PLCH1: variants seen among roughly 807,000 people sequenced by gnomAD.
PLCH1 encodes 1-phosphatidylinositol 4,5-bisphosphate phosphodiesterase eta-1.
A neutral mutation model predicts 126.7 loss-of-function variants in PLCH1; 60 were observed. The ratio of observed to expected loss-of-function variants is 0.47; its 90% CI spans 0.38 to 0.59. PLCH1 has a LOEUF of 0.59. Ranked by LOEUF, PLCH1 falls within the 20% of genes least tolerant of loss-of-function variation. PLCH1 has a pLI of 0.00. For missense variants in PLCH1, 1,723 were observed against 2,040.0 expected, an observed-to-expected ratio of 0.84 and a Z score of 2.99; for synonymous variants, 719 against 734.9, an observed-to-expected ratio of 0.98 and a Z score of 0.35.
intron 1 of PLCH1, chr3:155,742,988 CAAG>C (rs1208839904): frequency 4.2e-6 from 1 of 239,608 alleles, no homozygotes; most frequent in Non-Finnish European, 8.3e-6. Flanking sequence ...CACTTTATCC[CAAG>C]AAGAATAACT....
chr3:155,666,893 GGTGTGTGTGTGT>G (rs3220185), intron 2 of PLCH1, among the ~76,000 whole-genome samples: 37,503 of 148,626 alleles, frequency 0.25, 5,295 homozygotes, highest in African/African-American at 0.39. Context: ...ACACAGATGA[GGTGTGTGTGTGT>G]GTGTGTGTGT....
chr3:155,559,356 A>C (rs947668862), intron 8 of PLCH1, among the ~76,000 whole-genome samples: 1 of 152,194 alleles, frequency 6.6e-6, no homozygotes, highest in African/African-American at 2.4e-5. Context: ...TGCTAAAATC[A>C]TAGTAGGTCC....
chr3:155,687,987 T>A (rs566439248), intron 2 of PLCH1, among the ~76,000 whole-genome samples: 1 of 152,340 alleles, frequency 6.6e-6, no homozygotes, highest in African/African-American at 2.4e-5. Context: ...AAATCCTTAC[T>A]GGATCTAAAT....
Position 155,646,975 on chromosome 3 carries a change from C to T in PLCH1, c.80-50597G>A, listed in dbSNP as rs570530909. ...GGGAGATGAAGTCCAATTCCCCACC[C>T]CATGGACACAGCTAGCCTTTGTGAC... On this transcript the variant is annotated intron_variant, in intron 2 of 22. Coordinates refer to ENST00000460012, the MANE Select transcript of PLCH1 (RefSeq NM_014996.4). 8.1e-4 allele frequency among the ~76,000 whole-genome samples: 124 copies of T among 152,288 alleles called. 5 individuals carry two copies. In the South Asian group the frequency reaches 0.025, roughly 31 times the overall value.
intron 10 of PLCH1, among the ~76,000 whole-genome samples, chr3:155,542,234 T>C (rs1724397592): frequency 6.6e-6 from 1 of 152,078 alleles, no homozygotes; most frequent in Non-Finnish European, 1.5e-5. Context: ...GGAGATTATA[T>C]CCCGCACCTG....
chr3:155,643,818 A>C (rs549282641), intron 2 of PLCH1, among the ~76,000 whole-genome samples: 1 of 152,330 alleles, frequency 6.6e-6, no homozygotes, highest in South Asian at 2.1e-4. Context: ...ATAAACAAAT[A>C]AACGTATGAT....
rs145462115 is a variant in PLCH1 at position 155,587,120 on chromosome 3, G to C, written c.471-926C>G. 1.8e-3 allele frequency among the ~76,000 whole-genome samples: 269 copies of C among 152,226 alleles called. 2 individuals carry two copies. The highest frequency in any genetic ancestry group is 3.2e-3 in the Non-Finnish European group (218 of 68,026). On this transcript the variant is annotated intron_variant, in intron 4 of 22. Transcript: ENST00000460012. ...TGTCCCTATTAGTTCTCATTCACAA[G>C]GTTAGAGTTCTTCGTTTATGAGGCA... is the stretch of plus-strand genomic sequence containing the variant.
chr3:155,610,483 A>G (rs531351565), intron 2 of PLCH1, among the ~76,000 whole-genome samples: 1 of 152,204 alleles, frequency 6.6e-6, no homozygotes, highest in South Asian at 2.1e-4. Flanking sequence ...GGTAACGTGC[A>G]AAGGAAAACC....
At chr3:155,551,988 A>G (rs985816907) in intron 9 of PLCH1, among the ~76,000 whole-genome samples, 2 of 152,218 alleles carry the variant, frequency 1.3e-5, no homozygotes, top group African/African-American at 2.4e-5. Flanking sequence ...CCATTTGGCT[A>G]GGACCTGTAG....
At chr3:155,584,897 T>C (rs359557) in intron 5 of PLCH1, among the ~76,000 whole-genome samples, 74,573 of 151,966 alleles carry the variant, frequency 0.49, 21,307 homozygotes, top group Non-Finnish European at 0.65. Context: ...ACCTCTTCAA[T>C]GCTGTGATCA....
chr3:155,711,997 T>C (rs946565197), intron 1 of PLCH1, among the ~76,000 whole-genome samples: 19 of 152,240 alleles, frequency 1.2e-4, no homozygotes, highest in African/African-American at 4.6e-4. Context: ...TGAAGCTAGA[T>C]CTGTCCTTGC....
At position 155,599,645 on chromosome 3, in the gene PLCH1, G is replaced by A. The variant is rs4488881; in HGVS notation, c.80-3267C>T. On this transcript the variant is annotated intron_variant, in intron 2 of 22. Coordinates refer to ENST00000460012, the MANE Select transcript of PLCH1 (RefSeq NM_014996.4). The stretch of plus-strand genomic sequence containing the variant: ...AGAATAAAACAAATTGTTTAAGCCA[G>A]AGTGGAAAACCGAGTTAACTATATT... 6.4e-3 allele frequency among the ~76,000 whole-genome samples: 978 copies of A among 152,304 alleles called. 11 individuals carry two copies. Among genetic ancestry groups the A allele is most frequent in the African/African-American group, 0.022 (913 of 41,556 alleles).
At chr3:155,603,658 G>A (rs1330869198) in intron 2 of PLCH1, among the ~76,000 whole-genome samples, 2 of 152,094 alleles carry the variant, frequency 1.3e-5, no homozygotes, top group Admixed American at 1.3e-4. Flanking sequence ...AGCTGATCTA[G>A]CTTCCATAAA....
chr3:155,601,146 T>G lies in PLCH1; in HGVS notation c.80-4768A>C, dbSNP rs892607852. Among the ~76,000 whole-genome samples, 12 of 152,108 alleles carry G rather than the reference T, an allele frequency of 7.9e-5. No homozygotes were observed. The East Asian group carries it at 2.1e-3, about 27-fold the overall frequency. The stretch of plus-strand genomic sequence containing the variant: ...CACGCCACCACGCCCGGCCAATTTT[T>G]TTTGTATTTTTTAGTAGAGACAGGG... On this transcript the variant is annotated intron_variant, in intron 2 of 22. Transcript: ENST00000460012.
intron 1 of PLCH1, among the ~76,000 whole-genome samples, chr3:155,734,787 C>T (rs181506723): frequency 0.029 from 4,434 of 151,264 alleles, 73 homozygotes; most frequent in Middle Eastern, 0.12. Flanking sequence ...CGGCTCACTG[C>T]AACCTCCGCC....
intron 2 of PLCH1, among the ~76,000 whole-genome samples, chr3:155,662,732 T>A (rs958526622): frequency 6.6e-6 from 1 of 152,154 alleles, no homozygotes; most frequent in Non-Finnish European, 1.5e-5. Flanking sequence ...TGGCGCAATC[T>A]CAGCTCACTG....
intron 1 of PLCH1, among the ~76,000 whole-genome samples, chr3:155,704,801 G>A (rs1213324322): frequency 6.6e-6 from 1 of 152,154 alleles, no homozygotes; most frequent in African/African-American, 2.4e-5. Context: ...GACTGCTAGG[G>A]CCTGGATCTG....
At chr3:155,670,883 T>C (rs1331045976) in intron 2 of PLCH1, among the ~76,000 whole-genome samples, 1 of 152,150 alleles carries the variant, frequency 6.6e-6, no homozygotes, top group African/African-American at 2.4e-5. Context: ...ACTGTTCCCC[T>C]TTCCATCTCG....
chr3:155,628,275 C>A (rs1737591160), intron 2 of PLCH1, among the ~76,000 whole-genome samples: 1 of 148,112 alleles, frequency 6.8e-6, no homozygotes, highest in Admixed American at 6.9e-5. Context: ...TCCCCTGAAG[C>A]AGGTCATAAA....
Sources: gnomAD v4.1 joint callset for allele counts (sites outside exome capture counted in the v4.1 genomes callset) on GRCh38, gnomAD v4.1.1 for gene constraint, MANE v1.5 for transcripts, NCBI Gene and HGNC (gene_info 2026-07-23, HGNC 2026-07-21) for gene names.